Variants in ZFPM2 observed in about 807,000 individuals in gnomAD.
ZFPM2 encodes zinc finger protein, FOG family member 2, also known as zinc finger protein ZFPM2.
ZFPM2 carries 20 observed loss-of-function variants against 98.6 expected under a neutral mutation model. That is an observed-to-expected ratio of 0.20 (90% confidence interval 0.14 to 0.29). ZFPM2 has a LOEUF of 0.29. ZFPM2 is among the 10% of genes least tolerant of loss of function. The probability of loss-of-function intolerance (pLI) is 1.00; values close to 1 mark genes in which losing one functional copy is unlikely to be tolerated. For synonymous variants in ZFPM2, 518 were observed against 502.7 expected (o/e 1.03, Z -0.41); for missense variants, 1,310 against 1,388.6 (o/e 0.94, Z 0.90).
At chr8:105,541,176 T>C (rs1431947897) in intron 3 of ZFPM2, among the ~76,000 whole-genome samples, 1 of 152,136 alleles carries the variant, frequency 6.6e-6, no homozygotes, top group East Asian at 1.9e-4. Context: ...TTTAATGTCA[T>C]CCCTGATGAA....
intron 4 of ZFPM2, among the ~76,000 whole-genome samples, chr8:105,586,842 A>AATATTTTTTATATATAT (rs1815728050): frequency 7.3e-6 from 1 of 137,088 alleles, no homozygotes; most frequent in East Asian, 2.0e-4. Context: ...TTTATATATA[A>AATATTTTTTATATATAT]ATATTTTATA....
intron 1 of ZFPM2, among the ~76,000 whole-genome samples, chr8:105,349,505 T>A (rs1369594571): frequency 2.6e-5 from 4 of 152,190 alleles, no homozygotes; most frequent in African/African-American, 9.7e-5. Context: ...CTGATGGGTA[T>A]CCAGTAACTC....
intron 4 of ZFPM2, among the ~76,000 whole-genome samples, chr8:105,566,221 A>G (rs1202353377): frequency 6.6e-6 from 1 of 152,158 alleles, no homozygotes; most frequent in African/African-American, 2.4e-5. Flanking sequence ...GAAGGTCTGC[A>G]CTACCTTGCA....
intron 3 of ZFPM2, among the ~76,000 whole-genome samples, chr8:105,448,640 G>A (rs1339358539): frequency 2.0e-5 from 3 of 151,952 alleles, no homozygotes; most frequent in Admixed American, 1.3e-4. Context: ...TTAAACTACA[G>A]AACGAAGTGT....
At chr8:105,561,266 T>G in intron 3 of ZFPM2, 97 bp from the exon 4 acceptor site, 4 of 895,386 alleles carry the variant, frequency 4.5e-6, no homozygotes, top group Non-Finnish European at 7.3e-6. Context: ...ATATGAATCC[T>G]GAGAATATCA....
At chr8:105,320,758 T>G (rs1812010480) in intron 1 of ZFPM2, among the ~76,000 whole-genome samples, 1 of 152,196 alleles carries the variant, frequency 6.6e-6, no homozygotes, top group African/African-American at 2.4e-5. Flanking sequence ...TATGTCCACC[T>G]CATATAATTG....
intron 1 of ZFPM2, among the ~76,000 whole-genome samples, 154 bp downstream of exon 1, chr8:105,319,135 A>G (rs530575376): frequency 1.3e-5 from 2 of 152,238 alleles, no homozygotes; most frequent in Non-Finnish European, 2.9e-5. Flanking sequence ...CGAAGGGACA[A>G]CTAGACAGTC....
At chr8:105,477,904 C>A (rs1222537717) in intron 3 of ZFPM2, among the ~76,000 whole-genome samples, 2 of 152,194 alleles carry the variant, frequency 1.3e-5, no homozygotes, top group Admixed American at 6.5e-5. Context: ...TCCTACTACT[C>A]TGAGTTTTCT....
chr8:105,322,484 T>G (rs1736513003), intron 1 of ZFPM2, among the ~76,000 whole-genome samples: 1 of 151,002 alleles, frequency 6.6e-6, no homozygotes, highest in African/African-American at 2.4e-5. Flanking sequence ...TGAATGTCAT[T>G]ATCTGCTCTC....
chr8:105,362,123 T>G (rs760111584), intron 1 of ZFPM2, among the ~76,000 whole-genome samples: 1 of 152,106 alleles, frequency 6.6e-6, no homozygotes, highest in Non-Finnish European at 1.5e-5. Context: ...ATTGAATGTA[T>G]AAGGATAATA....
intron 4 of ZFPM2, among the ~76,000 whole-genome samples, chr8:105,628,933 G>C (rs555284595): frequency 1.3e-5 from 2 of 152,216 alleles, no homozygotes; most frequent in Admixed American, 6.5e-5. Flanking sequence ...CCACTGAACT[G>C]TTAACAGTTA....
chr8:105,587,278 GA>G (rs1217188691), intron 4 of ZFPM2, among the ~76,000 whole-genome samples: 412 of 52,040 alleles, frequency 7.9e-3, no homozygotes, highest in East Asian at 0.011. Context: ...CTCTGTCTCA[GA>G]AAAAAAAAAA....
intron 5 of ZFPM2, among the ~76,000 whole-genome samples, chr8:105,745,422 CAT>C (rs1333753589): frequency 2.6e-5 from 4 of 152,016 alleles, no homozygotes; most frequent in East Asian, 1.9e-4. Context: ...TCAGAGAACA[CAT>C]ATAAAATATT....
At chr8:105,420,431 T>A (rs541981630) in intron 2 of ZFPM2, among the ~76,000 whole-genome samples, 1 of 152,236 alleles carries the variant, frequency 6.6e-6, no homozygotes, top group East Asian at 1.9e-4. Context: ...CCCATCCCTG[T>A]GGTCAGTAGA....
intron 3 of ZFPM2, among the ~76,000 whole-genome samples, chr8:105,551,497 T>C (rs1814852619): frequency 6.6e-6 from 1 of 152,214 alleles, no homozygotes; most frequent in Admixed American, 6.6e-5. Context: ...TAAAAATCTG[T>C]AATGGAATTC....
chr8:105,541,306 G>A (rs1814570796), intron 3 of ZFPM2, among the ~76,000 whole-genome samples: 1 of 152,112 alleles, frequency 6.6e-6, no homozygotes, highest in African/African-American at 2.4e-5. Flanking sequence ...AGGACCCTGA[G>A]TTTCAGTTTA....
At chr8:105,789,148 A>C in intron 6 of ZFPM2, 1 of 404,068 alleles carries the variant, frequency 2.5e-6, no homozygotes, top group East Asian at 4.1e-5. Flanking sequence ...GGTTAGTTAC[A>C]TATGTATACA....
chr8:105,345,579 A>G (rs1206696911), intron 1 of ZFPM2, among the ~76,000 whole-genome samples: 1 of 151,972 alleles, frequency 6.6e-6, no homozygotes, highest in East Asian at 1.9e-4. Flanking sequence ...TCTTTCAGGT[A>G]CTTGGCTAGC....
chr8:105,703,795 C>T (rs1230444070), intron 5 of ZFPM2, among the ~76,000 whole-genome samples: 1 of 152,138 alleles, frequency 6.6e-6, no homozygotes, highest in Admixed American at 6.5e-5. Context: ...TTGTTCAGGG[C>T]AATATGGCTC....
Sources: allele counts gnomAD v4.1 joint callset (sites outside exome capture counted in the v4.1 genomes callset), GRCh38; gene constraint gnomAD v4.1.1; transcripts MANE v1.5; gene names NCBI Gene and HGNC (gene_info 2026-07-23, HGNC 2026-07-21).